Variants in CDKAL1 observed in about 807,000 individuals in gnomAD.
CDKAL1 encodes threonylcarbamoyladenosine tRNA methylthiotransferase.
In CDKAL1, 32 loss-of-function variants were observed where a neutral mutation model predicts 68.2. The observed-to-expected ratio is 0.47, with a 90% CI of 0.35 to 0.63. The LOEUF is 0.63. Ranked by LOEUF, CDKAL1 falls within the 30% of genes least tolerant of loss-of-function variation. CDKAL1 has a pLI of 0.00. For synonymous variants in CDKAL1, 234 were observed against 244.3 expected (o/e 0.96, Z 0.39); for missense variants, 606 against 696.7 (o/e 0.87, Z 1.47).
At chr6:21,041,086 A>G (rs1017786618) in intron 11 of CDKAL1, among the ~76,000 whole-genome samples, 2 of 152,192 alleles carry the variant, frequency 1.3e-5, no homozygotes, top group African/African-American at 4.8e-5. Flanking sequence ...CAAAATCTAT[A>G]TATGCATACC....
chr6:20,751,047 G>T (rs1247236196), intron 6 of CDKAL1, among the ~76,000 whole-genome samples: 1 of 148,930 alleles, frequency 6.7e-6, no homozygotes, highest in Non-Finnish European at 1.5e-5. Context: ...GATAATGCAC[G>T]TGAAGTGTCA....
At chr6:20,715,871 G>A (rs954322506) in intron 5 of CDKAL1, among the ~76,000 whole-genome samples, 14 of 152,198 alleles carry the variant, frequency 9.2e-5, no homozygotes, top group South Asian at 6.2e-4. Context: ...TGAAAACTTC[G>A]TTTTGAAAAA....
intron 12 of CDKAL1, among the ~76,000 whole-genome samples, chr6:21,096,820 G>A (rs2150978289): frequency 6.6e-6 from 1 of 152,318 alleles, no homozygotes; most frequent in East Asian, 1.9e-4. Flanking sequence ...CAGCGAGTTT[G>A]TTGCCCCACA....
chr6:21,089,436 C>T (rs1772880275), intron 12 of CDKAL1, among the ~76,000 whole-genome samples: 1 of 151,916 alleles, frequency 6.6e-6, no homozygotes, highest in South Asian at 2.1e-4. Flanking sequence ...GTGATCCTTC[C>T]ACTACATTCC....
intron 4 of CDKAL1, among the ~76,000 whole-genome samples, chr6:20,621,737 G>GT (rs1393959689): frequency 6.7e-6 from 1 of 149,156 alleles, no homozygotes; most frequent in Non-Finnish European, 1.5e-5. Context: ...AGTCACTTCC[G>GT]TGTCAGTCGC....
intron 5 of CDKAL1, among the ~76,000 whole-genome samples, chr6:20,705,506 A>G (rs1183664347): frequency 6.6e-6 from 1 of 152,238 alleles, no homozygotes; most frequent in Non-Finnish European, 1.5e-5. Context: ...GCAGTTAGTA[A>G]TAATTATTTA....
intron 11 of CDKAL1, among the ~76,000 whole-genome samples, chr6:21,058,125 C>T (rs1022476136): frequency 5.9e-5 from 9 of 152,082 alleles, no homozygotes; most frequent in African/African-American, 2.2e-4. Context: ...TAAAGTGTCC[C>T]GCTATTATTG....
At chr6:21,179,579 T>G (rs1179110945) in intron 13 of CDKAL1, among the ~76,000 whole-genome samples, 1 of 152,236 alleles carries the variant, frequency 6.6e-6, no homozygotes, top group Non-Finnish European at 1.5e-5. Context: ...GTTTATTCAT[T>G]ATATATTTGT....
intron 10 of CDKAL1, among the ~76,000 whole-genome samples, chr6:20,960,240 T>G (rs755494020): frequency 6.6e-6 from 1 of 152,210 alleles, no homozygotes; most frequent in African/African-American, 2.4e-5. Flanking sequence ...GTGATCCTCC[T>G]GCCTTAGCTG....
At chr6:21,103,149 T>C (rs1169768718) in intron 12 of CDKAL1, among the ~76,000 whole-genome samples, 2 of 152,240 alleles carry the variant, frequency 1.3e-5, no homozygotes, top group African/African-American at 4.8e-5. Context: ...GGGAAAACTT[T>C]AATCAACAAC....
intron 5 of CDKAL1, among the ~76,000 whole-genome samples, chr6:20,692,170 T>C (rs1230683474): frequency 1.3e-5 from 2 of 152,200 alleles, no homozygotes; most frequent in African/African-American, 4.8e-5. Context: ...TCAGGCTTAA[T>C]AGAGTACATA....
intron 13 of CDKAL1, among the ~76,000 whole-genome samples, chr6:21,125,179 A>C (rs1774935162): frequency 6.6e-6 from 1 of 152,134 alleles, no homozygotes; most frequent in Non-Finnish European, 1.5e-5. Flanking sequence ...TCATGGGGGC[A>C]ATTTCCCCTG....
At chr6:20,624,417 A>C (rs1581844547) in intron 4 of CDKAL1, among the ~76,000 whole-genome samples, 1 of 151,652 alleles carries the variant, frequency 6.6e-6, no homozygotes, top group East Asian at 1.9e-4. Flanking sequence ...TCTCCTGAGG[A>C]TGCTTCTTGT....
At chr6:20,868,835 A>G (rs1039314362) in intron 9 of CDKAL1, among the ~76,000 whole-genome samples, 1 of 152,196 alleles carries the variant, frequency 6.6e-6, no homozygotes, top group Non-Finnish European at 1.5e-5. Context: ...TCACAGTTGA[A>G]TGCTATGGAA....
chr6:21,217,254 T>C (rs1192325141), intron 15 of CDKAL1, among the ~76,000 whole-genome samples: 3 of 151,122 alleles, frequency 2.0e-5, no homozygotes, highest in African/African-American at 7.3e-5. Flanking sequence ...TTTTCTTCTA[T>C]TGGACGATAC....
At chr6:20,952,765 C>T (rs1361135737) in intron 9 of CDKAL1, among the ~76,000 whole-genome samples, 1 of 152,246 alleles carries the variant, frequency 6.6e-6, no homozygotes, top group African/African-American at 2.4e-5. Context: ...CTGGTGACTT[C>T]ATATGCAAGC....
chr6:20,689,421 C>T (rs1336068213), intron 5 of CDKAL1, among the ~76,000 whole-genome samples: 1 of 152,162 alleles, frequency 6.6e-6, no homozygotes, highest in Admixed American at 6.5e-5. Context: ...TTTTTGGTAT[C>T]TGCCAGTTGG....
intron 5 of CDKAL1, among the ~76,000 whole-genome samples, chr6:20,720,956 T>C (rs1772323202): frequency 6.6e-6 from 1 of 152,230 alleles, no homozygotes; most frequent in African/African-American, 2.4e-5. Context: ...TTGTTCTTTT[T>C]ATGTATTTAT....
At position 20,824,768 on chromosome 6, in the gene CDKAL1, A is replaced by G. The variant is rs930213401; in HGVS notation, c.639-21307A>G. ...TACACGTAGGGGGAAAGGATTCCGCAAGGGCGTAATTCCAGGAGTCAGGAT... is the reference window on the plus strand; with the variant it reads ...TACACGTAGGGGGAAAGGATTCCGCGAGGGCGTAATTCCAGGAGTCAGGAT... On this transcript the variant is annotated intron_variant, in intron 8 of 15. Coordinates refer to ENST00000274695, the MANE Select transcript of CDKAL1 (RefSeq NM_017774.3). Among the ~76,000 whole-genome samples, 4 of 152,190 alleles carry G rather than the reference A, an allele frequency of 2.6e-5. No homozygotes were observed. The East Asian group carries it at 7.8e-4, about 30-fold the overall frequency.
Sources: allele counts gnomAD v4.1 joint callset (sites outside exome capture counted in the v4.1 genomes callset), GRCh38; gene constraint gnomAD v4.1.1; transcripts MANE v1.5; gene names NCBI Gene and HGNC (gene_info 2026-07-23, HGNC 2026-07-21).